BACH2: variants seen among roughly 807,000 people sequenced by gnomAD.
BACH2 encodes the protein transcription regulator protein BACH2.
A neutral mutation model predicts 61.8 loss-of-function variants in BACH2; 5 were observed. The observed-to-expected ratio is 0.08, with a 90% CI of 0.04 to 0.17. The LOEUF is 0.17. BACH2 is among the 10% of genes least tolerant of loss of function. BACH2 has a pLI of 1.00. For synonymous variants in BACH2, 446 were observed against 440.1 expected (o/e 1.01, Z -0.17); for missense variants, 824 against 1,091.1 (o/e 0.76, Z 3.45).
intron 4 of BACH2, among the ~76,000 whole-genome samples, chr6:90,142,371 C>A (rs1784488750): frequency 6.6e-6 from 1 of 152,140 alleles, no homozygotes; most frequent in African/African-American, 2.4e-5. Flanking sequence ...GCATGGCATC[C>A]AATCCTAGGC....
intron 6 of BACH2, among the ~76,000 whole-genome samples, chr6:89,977,866 C>T (rs1035184121): frequency 5.3e-5 from 8 of 152,278 alleles, no homozygotes; most frequent in Admixed American, 1.3e-4. Flanking sequence ...CTGTCCTGTA[C>T]GAAGACTGTT....
chr6:89,949,610 A>G (rs915049745), intron 7 of BACH2, among the ~76,000 whole-genome samples: 7 of 152,054 alleles, frequency 4.6e-5, no homozygotes, highest in African/African-American at 1.7e-4. Flanking sequence ...CTGCTACTCT[A>G]CCCCACTACT....
chr6:90,125,542 G>A (rs995790158), intron 4 of BACH2, among the ~76,000 whole-genome samples: 1 of 152,190 alleles, frequency 6.6e-6, no homozygotes, highest in Non-Finnish European at 1.5e-5. Flanking sequence ...CTCTCCAAAC[G>A]TTCACATCTT....
chr6:90,011,483 T>C (rs541972955), intron 5 of BACH2, among the ~76,000 whole-genome samples: 2 of 152,208 alleles, frequency 1.3e-5, no homozygotes, highest in East Asian at 1.9e-4. Context: ...TTTACATTTA[T>C]GAATCTATTT....
chr6:90,286,741 T>C (rs534227358), intron 1 of BACH2, among the ~76,000 whole-genome samples: 18 of 152,224 alleles, frequency 1.2e-4, no homozygotes, highest in African/African-American at 3.9e-4. Context: ...TTAAAATGCA[T>C]AGAATTCTCT....
chr6:90,236,472 G>A (rs936186389), intron 3 of BACH2, among the ~76,000 whole-genome samples: 2 of 152,208 alleles, frequency 1.3e-5, no homozygotes, highest in Non-Finnish European at 2.9e-5. Flanking sequence ...ATAGGTCTGA[G>A]ACATTCTGGG....
At chr6:90,232,818 T>C (rs1770141705) in intron 3 of BACH2, among the ~76,000 whole-genome samples, 1 of 152,260 alleles carries the variant, frequency 6.6e-6, no homozygotes, top group South Asian at 2.1e-4. Flanking sequence ...TTATGGCCTG[T>C]CTCTAAGAAG....
At chr6:90,169,707 G>A (rs987391813) in intron 4 of BACH2, among the ~76,000 whole-genome samples, 2 of 152,162 alleles carry the variant, frequency 1.3e-5, no homozygotes, top group African/African-American at 2.4e-5. Context: ...CACTGCTGCC[G>A]TCTTTAAAGG....
At chr6:90,183,970 C>T (rs915747323) in intron 4 of BACH2, among the ~76,000 whole-genome samples, 3 of 152,154 alleles carry the variant, frequency 2.0e-5, no homozygotes, top group African/African-American at 7.2e-5. Context: ...TAGCAAAGGA[C>T]GTCTTTTCTC....
At chr6:89,947,706 C>T (rs1416171431) in intron 7 of BACH2, among the ~76,000 whole-genome samples, 2 of 151,930 alleles carry the variant, frequency 1.3e-5, no homozygotes, top group Non-Finnish European at 2.9e-5. Flanking sequence ...GCTGGGACTA[C>T]AGGCGCCCAC....
intron 3 of BACH2, among the ~76,000 whole-genome samples, chr6:90,211,627 T>TGC (rs1346739155): frequency 8.1e-5 from 11 of 135,394 alleles, no homozygotes; most frequent in African/African-American, 3.1e-4. Context: ...TGTGTGTGTG[T>TGC]GTGTGCTCTC....
chr6:89,932,831 T>A lies in BACH2; in HGVS notation c.2103A>T (p.Glu701Asp). Residue 701 changes from glutamate (E) to aspartate (D), a missense_variant, in exon 9 of 9, where the codon GAA becomes GAT. Around this residue, in one of 8 missense-constraint regions of BACH2, gnomAD observed 160 missense variants for 283.5 expected, o/e 0.56. Coordinates refer to ENST00000257749, the MANE Select transcript of BACH2 (RefSeq NM_021813.4). ...AAAGGCAGGAGAAGTTGTCCAACAG[T>A]TCCCCCATGCATGCTTTCAGTTGAT... ...ERNQLKACMG[E>D]LLDNFSCLSQ... The A allele has an allele frequency of 6.2e-7, 1 of 1,612,114 alleles. No individual in the cohort carries two copies. Among genetic ancestry groups the A allele is most frequent in the Non-Finnish European group, 8.5e-7 (1 of 1,178,350 alleles).
intron 4 of BACH2, among the ~76,000 whole-genome samples, chr6:90,141,505 T>G (rs1784460085): frequency 6.6e-6 from 1 of 151,246 alleles, no homozygotes; most frequent in Non-Finnish European, 1.5e-5. Context: ...TTTTTTTTTT[T>G]TAAACCAATG....
rs200999392 is a variant in BACH2, at chr6:90,091,462, C to T, written c.-161-2353G>A. On this transcript the variant is annotated intron_variant, in intron 4 of 8. Transcript: ENST00000257749. ...AACACATTCTTCCCAAATGTGGCTA[C>T]GAATTAGGAATGCTAAAGCAGGTCT... Among the ~76,000 whole-genome samples the T allele has an allele frequency of 4.7e-4, 71 of 152,148 alleles. 1 individual carries two copies. Among genetic ancestry groups the T allele is most frequent in the East Asian group, 7.7e-4 (4 of 5,178 alleles).
chr6:90,148,910 A>G lies in BACH2; in HGVS notation c.-162+57659T>C, dbSNP rs557645723. Among the ~76,000 whole-genome samples, 7 of 152,334 alleles carry G rather than the reference A, an allele frequency of 4.6e-5. No individual in the cohort carries two copies. The East Asian group carries it at 1.4e-3, about 29-fold the overall frequency. ...TCTCGTGTACAGGGACCTATGAAAC[A>G]CCAGGGCTGGAAGGGCCTTGTGGCT... On this transcript the variant is annotated intron_variant, in intron 4 of 8. Coordinates refer to ENST00000257749, the MANE Select transcript of BACH2 (RefSeq NM_021813.4).
chr6:89,953,937 A>G (rs960066638), intron 6 of BACH2, among the ~76,000 whole-genome samples: 7 of 152,240 alleles, frequency 4.6e-5, no homozygotes, highest in Non-Finnish European at 1.0e-4. Context: ...CTAAGCTGAC[A>G]TGGTAATAGG....
intron 4 of BACH2, among the ~76,000 whole-genome samples, chr6:90,105,578 A>G (rs1470945442): frequency 6.6e-6 from 1 of 152,252 alleles, no homozygotes; most frequent in East Asian, 1.9e-4. Flanking sequence ...GCTGAACTGT[A>G]AGACATAATT....
intron 4 of BACH2, among the ~76,000 whole-genome samples, chr6:90,158,432 G>A (rs1785067777): frequency 6.7e-6 from 1 of 149,586 alleles, no homozygotes; most frequent in African/African-American, 2.5e-5. Context: ...GGCAGGTGTG[G>A]GAGGCAAGGC....
chr6:90,291,826 T>C (rs545937017), intron 1 of BACH2, among the ~76,000 whole-genome samples: 1 of 152,268 alleles, frequency 6.6e-6, no homozygotes, highest in South Asian at 2.1e-4. Flanking sequence ...TGCGTTCCCA[T>C]ATGTGGCCCC....
Sources: allele counts gnomAD v4.1 joint callset (sites outside exome capture counted in the v4.1 genomes callset), GRCh38; gene constraint gnomAD v4.1.1; regional missense constraint gnomAD v4.1.1; transcripts MANE v1.5; gene names NCBI Gene and HGNC (gene_info 2026-07-23, HGNC 2026-07-21).